ROBO2: variants seen among roughly 807,000 people sequenced by gnomAD.
ROBO2 encodes the protein roundabout guidance receptor 2.
A neutral mutation model predicts 160.8 loss-of-function variants in ROBO2; 53 were observed. That is an observed-to-expected ratio of 0.33 (90% CI 0.26 to 0.41). The LOEUF (loss-of-function observed/expected upper bound fraction) is 0.41. ROBO2 is among the 10% of genes least tolerant of loss of function. ROBO2 has a pLI of 1.00. For missense variants in ROBO2, 1,577 were observed against 1,722.4 expected, an observed-to-expected ratio of 0.92 and a Z score of 1.49; for synonymous variants, 664 against 611.7, an observed-to-expected ratio of 1.09 and a Z score of -1.26.
chr3:76,755,391 T>A (rs1328488850), intron 2 of ROBO2, among the ~76,000 whole-genome samples: 1 of 151,816 alleles, frequency 6.6e-6, no homozygotes, highest in African/African-American at 2.4e-5. Flanking sequence ...CTAGTAACCA[T>A]GGTAACTAGG....
intron 2 of ROBO2, among the ~76,000 whole-genome samples, chr3:76,295,939 G>A (rs963311753): frequency 2.6e-5 from 4 of 152,042 alleles, no homozygotes; most frequent in Non-Finnish European, 4.4e-5. Context: ...CCCTCCCCAC[G>A]TACACATAGT....
chr3:76,580,857 A>AT (rs1425079670), intron 2 of ROBO2, among the ~76,000 whole-genome samples: 2 of 152,150 alleles, frequency 1.3e-5, no homozygotes, highest in African/African-American at 4.8e-5. Context: ...GTTCTGAAAG[A>AT]TAAAAAAAAC....
chr3:76,573,710 A>G (rs2085101690), intron 2 of ROBO2, among the ~76,000 whole-genome samples: 1 of 152,080 alleles, frequency 6.6e-6, no homozygotes, highest in Non-Finnish European at 1.5e-5. Context: ...ATGAGGGCTC[A>G]TCATATCTAC....
chr3:77,382,362 T>TAAAAAA (rs138278147), intron 2 of ROBO2, among the ~76,000 whole-genome samples: 3,421 of 149,048 alleles, frequency 0.023, 177 homozygotes, highest in East Asian at 0.16. Context: ...TTTTTTTTTT[T>TAAAAAA]AAAAAGTCTT....
intron 2 of ROBO2, among the ~76,000 whole-genome samples, chr3:77,429,875 GCTCA>G (rs2078601851): frequency 6.6e-6 from 1 of 152,052 alleles, no homozygotes; most frequent in African/African-American, 2.4e-5. Flanking sequence ...TAGCTGCGGT[GCTCA>G]CTAATGACTG....
intron 2 of ROBO2, among the ~76,000 whole-genome samples, chr3:76,395,527 C>T (rs1576913081): frequency 6.8e-6 from 1 of 146,928 alleles, no homozygotes; most frequent in Admixed American, 6.8e-5. Flanking sequence ...ATTAATGAAT[C>T]CAGGAGCTGG....
chr3:76,114,395 G>T (rs1329484197), intron 2 of ROBO2, among the ~76,000 whole-genome samples: 1 of 152,016 alleles, frequency 6.6e-6, no homozygotes, highest in Non-Finnish European at 1.5e-5. Flanking sequence ...ATCATTAGCT[G>T]CAAACTCTCA....
At chr3:76,755,299 T>C (rs927700773) in intron 2 of ROBO2, among the ~76,000 whole-genome samples, 1 of 151,852 alleles carries the variant, frequency 6.6e-6, no homozygotes, top group African/African-American at 2.4e-5. Flanking sequence ...TCAAATAAAC[T>C]CATTCTATAT....
chr3:76,682,279 C>T (rs769907088), intron 2 of ROBO2, among the ~76,000 whole-genome samples: 4 of 152,092 alleles, frequency 2.6e-5, no homozygotes, highest in Admixed American at 2.6e-4. Context: ...ATCTATGCAA[C>T]GAATGTACCT....
At chr3:77,519,591 T>C (rs1411350125) in intron 5 of ROBO2, among the ~76,000 whole-genome samples, 1 of 151,328 alleles carries the variant, frequency 6.6e-6, no homozygotes, top group Non-Finnish European at 1.5e-5. Flanking sequence ...CTTCCACTTA[T>C]AAGTGAGAAC....
In ROBO2 at chr3:75,987,838, T is replaced by C. The variant is rs138616937; in HGVS notation, c.109+50236T>C. On this transcript the variant is annotated intron_variant, in intron 2 of 26. Transcript: ENST00000487694. Reference sequence around the variant, plus strand: ...CCTTGTGTTAATATGGGGTATTACATTGATCAATTTTCGTGTGTTGGACCA... The same window carrying C: ...CCTTGTGTTAATATGGGGTATTACACTGATCAATTTTCGTGTGTTGGACCA... 7.3e-4 allele frequency among the ~76,000 whole-genome samples: 111 copies of C among 152,140 alleles called. 2 individuals are homozygous for C. The highest frequency in any genetic ancestry group is 2.6e-3 in the African/African-American group (109 of 41,548).
At chr3:77,335,035 C>T (rs2066348500) in intron 2 of ROBO2, among the ~76,000 whole-genome samples, 1 of 152,164 alleles carries the variant, frequency 6.6e-6, no homozygotes, top group Admixed American at 6.6e-5. Context: ...GTGTTCTCTT[C>T]AAAGGTTGTT....
chr3:76,218,382 T>A (rs1703713087), intron 2 of ROBO2, among the ~76,000 whole-genome samples: 1 of 152,192 alleles, frequency 6.6e-6, no homozygotes, highest in African/African-American at 2.4e-5. Flanking sequence ...TGTCCCTGTT[T>A]GCAGATGAAG....
chr3:77,473,301 G>T (rs9859344), intron 2 of ROBO2, among the ~76,000 whole-genome samples: 48,797 of 151,294 alleles, frequency 0.32, 8,292 homozygotes, highest in African/African-American at 0.43. Flanking sequence ...ATAATAATAA[G>T]AAGAAGAAGA....
chr3:77,407,298 A>AG (rs1209888037), intron 2 of ROBO2, among the ~76,000 whole-genome samples: 1 of 152,120 alleles, frequency 6.6e-6, no homozygotes. Flanking sequence ...CTAAAAAAAA[A>AG]TCAACTCTAG....
At chr3:76,438,166 C>A (rs2076767308) in intron 2 of ROBO2, among the ~76,000 whole-genome samples, 1 of 152,018 alleles carries the variant, frequency 6.6e-6, no homozygotes. Context: ...TATTCTCTGG[C>A]AAGTACTGAG....
chr3:77,349,102 C>CT (rs2068014514), intron 2 of ROBO2, among the ~76,000 whole-genome samples: 1 of 151,984 alleles, frequency 6.6e-6, no homozygotes, highest in Non-Finnish European at 1.5e-5. Context: ...TTTTTGTCTG[C>CT]TTTTTTCTCA....
intron 2 of ROBO2, among the ~76,000 whole-genome samples, chr3:76,187,387 A>G (rs906145275): frequency 2.0e-5 from 3 of 152,022 alleles, no homozygotes; most frequent in East Asian, 1.9e-4. Flanking sequence ...GAATCTTCCT[A>G]TCTCAGCCTC....
chr3:77,534,335 G>A (rs1312292902), intron 6 of ROBO2, among the ~76,000 whole-genome samples: 1 of 151,786 alleles, frequency 6.6e-6, no homozygotes, highest in Non-Finnish European at 1.5e-5. Flanking sequence ...TTTCTAATTA[G>A]TACTTAAAAT....
Sources: allele counts gnomAD v4.1 joint callset (sites outside exome capture counted in the v4.1 genomes callset), GRCh38; gene constraint gnomAD v4.1.1; transcripts MANE v1.5; gene names NCBI Gene and HGNC (gene_info 2026-07-23, HGNC 2026-07-21).